The following RAD54L2 variants were observed in gnomAD, a reference collection of about 807,000 sequenced individuals.
RAD54L2 encodes RAD54 like 2.
Under a neutral mutation model 138.4 loss-of-function variants are expected in RAD54L2, and 27 were observed. The ratio of observed to expected loss-of-function variants is 0.20; its 90% CI spans 0.14 to 0.27. The LOEUF (loss-of-function observed/expected upper bound fraction) is 0.27. Among genes scored for constraint, RAD54L2 ranks in the 10% least tolerant of loss-of-function variants. RAD54L2 has a pLI of 1.00. For missense variants in RAD54L2, 1,396 were observed against 1,890.2 expected (o/e 0.74, Z 4.85); for synonymous variants, 644 against 723.2 (o/e 0.89, Z 1.76).
chr3:51,565,579 A>C (rs76744908), intron 2 of RAD54L2, among the ~76,000 whole-genome samples: 10,281 of 151,702 alleles, frequency 0.068, 911 homozygotes, highest in East Asian at 0.33. Context: ...CAGTTCAAGC[A>C]TTTCTGCCTC....
intron 2 of RAD54L2, among the ~76,000 whole-genome samples, chr3:51,577,842 G>A (rs1699514151): frequency 1.3e-5 from 2 of 152,118 alleles, no homozygotes; most frequent in African/African-American, 2.4e-5. Flanking sequence ...CCCATCTTCT[G>A]TGTCGCTTAC....
chr3:51,661,203 C>G (rs1374454823), intron 22 of RAD54L2, among the ~76,000 whole-genome samples: 1 of 152,178 alleles, frequency 6.6e-6, no homozygotes. Context: ...CTCAAGTGAT[C>G]CACTCACCTC....
At chr3:51,607,077 T>A (rs1307230270) in intron 3 of RAD54L2, among the ~76,000 whole-genome samples, 4 of 148,966 alleles carry the variant, frequency 2.7e-5, no homozygotes, top group South Asian at 2.1e-4. Context: ...TATTTTTTTT[T>A]ATTTTTTTAT....
intron 3 of RAD54L2, among the ~76,000 whole-genome samples, chr3:51,594,280 C>T (rs962357115): frequency 2.6e-5 from 4 of 151,948 alleles, no homozygotes; most frequent in African/African-American, 9.7e-5. Context: ...ACCATGTTGG[C>T]CAGGCTGGTC....
At chr3:51,644,773 G>A (rs1701231568) in intron 16 of RAD54L2, among the ~76,000 whole-genome samples, 1 of 152,104 alleles carries the variant, frequency 6.6e-6, no homozygotes, top group Admixed American at 6.5e-5. Context: ...AGGATGCGGG[G>A]GCCTTACTTG....
intron 2 of RAD54L2, among the ~76,000 whole-genome samples, chr3:51,542,063 A>G (rs1297683086): frequency 6.6e-6 from 1 of 152,184 alleles, no homozygotes; most frequent in Non-Finnish European, 1.5e-5. Flanking sequence ...GAGAGAAGAA[A>G]TGTCTGGTAC....
At chr3:51,635,930 C>G in intron 10 of RAD54L2, 141 bp downstream of exon 10, 1 of 888,368 alleles carries the variant, frequency 1.1e-6, no homozygotes, top group South Asian at 1.9e-5. Flanking sequence ...TTCCCAAGAT[C>G]AGTAGGATGA....
intron 3 of RAD54L2, among the ~76,000 whole-genome samples, chr3:51,601,455 G>A (rs1188028597): frequency 6.6e-6 from 1 of 151,628 alleles, no homozygotes; most frequent in Non-Finnish European, 1.5e-5. Context: ...TTACACGCAC[G>A]TGCCACCACG....
intron 2 of RAD54L2, among the ~76,000 whole-genome samples, chr3:51,546,754 C>T (rs1012713744): frequency 1.3e-5 from 2 of 152,100 alleles, no homozygotes; most frequent in Non-Finnish European, 2.9e-5. Context: ...TGAGGCCAGG[C>T]GCGGTGGCTC....
chr3:51,585,497 C>T (rs958765939), intron 2 of RAD54L2, among the ~76,000 whole-genome samples: 3 of 152,136 alleles, frequency 2.0e-5, no homozygotes, highest in Non-Finnish European at 4.4e-5. Context: ...TTGTGTATAT[C>T]CTAATATCCC....
In RAD54L2 at chr3:51,664,143, A is replaced by G. The variant is rs1439089753; in HGVS notation, c.*723A>G. 6.6e-6 allele frequency: 1 copy of G among 152,180 alleles called. No individual in the cohort carries two copies. Among genetic ancestry groups the G allele is most frequent in the Non-Finnish European group, 1.5e-5 (1 of 68,036 alleles). 9.4% of individuals were successfully genotyped at this position (152,180 alleles called of 1,614,324 possible). A position where few individuals can be genotyped will look rare whatever the true frequency, so the allele number is the denominator to read the frequency against. ...TGAGCCCAGAAGAGCCATGGAAATA[A>G]CAAGTTTCCTTCGGGATGGGTGAAG... On this transcript the variant is annotated 3_prime_UTR_variant, in exon 23 of 23. Coordinates refer to ENST00000684192, the MANE Select transcript of RAD54L2 (RefSeq NM_015106.4).
rs1160236638 is a variant in RAD54L2 at position 51,668,542 on chromosome 3, T to A, written c.*5122T>A. 1 of 152,202 alleles carries A rather than the reference T, an allele frequency of 6.6e-6. No homozygotes were observed. 9.4% of individuals were successfully genotyped at this position (152,202 alleles called of 1,614,324 possible). A position where few individuals can be genotyped will look rare whatever the true frequency, so the allele number is the denominator to read the frequency against. On this transcript the variant is annotated 3_prime_UTR_variant, in exon 23 of 23. Coordinates refer to ENST00000684192, the MANE Select transcript of RAD54L2 (RefSeq NM_015106.4). Reference sequence around the variant, plus strand: ...ACTGGCTGTTTCTATGACGTATTTATTTTTACTTGTGTTTCATGTCACTTT... The same window carrying A: ...ACTGGCTGTTTCTATGACGTATTTAATTTTACTTGTGTTTCATGTCACTTT...
At chr3:51,643,280 G>A (rs536428728) in intron 15 of RAD54L2, among the ~76,000 whole-genome samples, 35 of 152,274 alleles carry the variant, frequency 2.3e-4, no homozygotes, top group South Asian at 1.5e-3. Flanking sequence ...TGATCTGCAC[G>A]CCTTGGCCTC....
At chr3:51,607,794 G>A (rs554194585) in intron 3 of RAD54L2, among the ~76,000 whole-genome samples, 2 of 151,152 alleles carry the variant, frequency 1.3e-5, no homozygotes, top group East Asian at 2.0e-4. Context: ...CAGATGGGGT[G>A]GCGGCCGGGC....
At chr3:51,558,213 A>G (rs1699017725) in intron 2 of RAD54L2, among the ~76,000 whole-genome samples, 1 of 152,072 alleles carries the variant, frequency 6.6e-6, no homozygotes, top group African/African-American at 2.4e-5. Context: ...GAATTTACTG[A>G]TTGACCGAAT....
At chr3:51,653,714 A>G (rs1701515024) in intron 19 of RAD54L2, among the ~76,000 whole-genome samples, 1 of 152,166 alleles carries the variant, frequency 6.6e-6, no homozygotes, top group Non-Finnish European at 1.5e-5. Flanking sequence ...TCTCACTCAT[A>G]GGTGGGAATT....
In RAD54L2 at chr3:51,633,953, C is replaced by T. The variant is rs1398738996; in HGVS notation, c.1060C>T (p.Pro354Ser). 1 of 1,613,780 alleles carries T rather than the reference C, an allele frequency of 6.2e-7. No homozygotes were observed. The highest frequency in any genetic ancestry group is 8.5e-7 in the Non-Finnish European group (1 of 1,179,688). ...AGAGTTCAACATGTGGCTTCCACCTCCTGAAGCCCTCCCGGCTGACAACAA... is the reference window on the plus strand; with the variant it reads ...AGAGTTCAACATGTGGCTTCCACCTTCTGAAGCCCTCCCGGCTGACAACAA... Reference protein sequence around the residue: ...LAEFNMWLPPPEALPADNKPE... With the variant: ...LAEFNMWLPPSEALPADNKPE... Residue 354 changes from proline (P) to serine (S), a missense_variant, in exon 9 of 23, where the codon CCT becomes TCT. Coordinates refer to ENST00000684192, the MANE Select transcript of RAD54L2 (RefSeq NM_015106.4).
intron 2 of RAD54L2, among the ~76,000 whole-genome samples, chr3:51,576,207 G>A (rs544133238): frequency 3.3e-5 from 5 of 152,262 alleles, no homozygotes; most frequent in East Asian, 3.9e-4. Context: ...CAACTTGATC[G>A]TGATGGATAA....
At chr3:51,553,311 C>T (rs904455212) in intron 2 of RAD54L2, among the ~76,000 whole-genome samples, 1 of 152,042 alleles carries the variant, frequency 6.6e-6, no homozygotes, top group African/African-American at 2.4e-5. Flanking sequence ...TTCTTGACCT[C>T]GTGATCCACC....
Sources: allele counts gnomAD v4.1 joint callset (sites outside exome capture counted in the v4.1 genomes callset), GRCh38; gene constraint gnomAD v4.1.1; transcripts MANE v1.5; gene names NCBI Gene and HGNC (gene_info 2026-07-23, HGNC 2026-07-21).